The following GRID1 variants were observed in gnomAD, a reference collection of about 807,000 sequenced individuals.
The protein encoded by GRID1 is glutamate receptor ionotropic, delta-1.
In GRID1, 28 loss-of-function variants were observed where a neutral mutation model predicts 98.0. The ratio of observed to expected loss-of-function variants is 0.29; its 90% CI spans 0.21 to 0.39. The LOEUF (loss-of-function observed/expected upper bound fraction) is 0.39, where lower values mean the gene tolerates loss of function less well. GRID1 is among the 10% of genes least tolerant of loss of function. The pLI, the probability that GRID1 is intolerant of heterozygous loss-of-function variation, is 1.00. For missense variants in GRID1, 1,111 were observed against 1,340.5 expected, an observed-to-expected ratio of 0.83 and a Z score of 2.67; for synonymous variants, 553 against 538.5, an observed-to-expected ratio of 1.03 and a Z score of -0.37.
intron 8 of GRID1, among the ~76,000 whole-genome samples, chr10:85,847,151 G>A (rs1003594296): frequency 4.6e-5 from 7 of 152,156 alleles, no homozygotes; most frequent in Non-Finnish European, 1.0e-4. Flanking sequence ...CAATTTCTAG[G>A]AAAGGGCTCT....
intron 3 of GRID1, among the ~76,000 whole-genome samples, chr10:86,147,380 C>A (rs66582672): frequency 0.043 from 6,494 of 152,240 alleles, 146 homozygotes; most frequent in Non-Finnish European, 0.054. Flanking sequence ...GCCAGAAGAA[C>A]CAAGACAATC....
chr10:85,706,827 T>C (rs1387521307), intron 12 of GRID1, among the ~76,000 whole-genome samples: 1 of 152,204 alleles, frequency 6.6e-6, no homozygotes, highest in Admixed American at 6.5e-5. Flanking sequence ...AACTGTCTGA[T>C]CTTTGACAAA....
chr10:85,625,566 C>T (rs1484708535), intron 13 of GRID1, among the ~76,000 whole-genome samples: 1 of 152,158 alleles, frequency 6.6e-6, no homozygotes, highest in Non-Finnish European at 1.5e-5. Flanking sequence ...AGCATCCATC[C>T]CTGGGATGCC....
intron 6 of GRID1, among the ~76,000 whole-genome samples, chr10:85,858,708 C>T (rs556063664): frequency 2.0e-5 from 3 of 152,236 alleles, no homozygotes; most frequent in Admixed American, 2.0e-4. Flanking sequence ...CTTCTCAAGA[C>T]ATTCATGGGT....
At position 86,277,144 on chromosome 10, in the gene GRID1, G is replaced by C. The variant is rs535660594; in HGVS notation, c.236-70496C>G. Among the ~76,000 whole-genome samples, 100 of 152,318 alleles carry C rather than the reference G, an allele frequency of 6.6e-4. 2 individuals carry two copies. The South Asian group carries it at 0.021, about 32-fold the overall frequency. On this transcript the variant is annotated intron_variant, in intron 2 of 15. Coordinates refer to ENST00000327946, the MANE Select transcript of GRID1 (RefSeq NM_017551.3). ...AAATGTTCTCAAGATGGAGGGTGGT[G>C]AAGGCTGCACAGCAATATGAATGTA...
At chr10:86,236,749 G>A (rs1055994995) in intron 2 of GRID1, among the ~76,000 whole-genome samples, 34 of 152,194 alleles carry the variant, frequency 2.2e-4, no homozygotes, top group African/African-American at 6.8e-4. Flanking sequence ...ATGACAAGAC[G>A]TCTTGGCACA....
chr10:85,962,747 G>C (rs1842286230), intron 4 of GRID1, among the ~76,000 whole-genome samples: 1 of 152,148 alleles, frequency 6.6e-6, no homozygotes, highest in Non-Finnish European at 1.5e-5. Flanking sequence ...ACTGGGTTTG[G>C]GGAGAAATTT....
At chr10:85,667,223 T>C (rs557403958) in intron 12 of GRID1, among the ~76,000 whole-genome samples, 14 of 152,194 alleles carry the variant, frequency 9.2e-5, no homozygotes, top group Admixed American at 2.0e-4. Context: ...TCTGCTCTTC[T>C]TCCTGGGAAA....
At chr10:86,032,685 TGCGGAAGGCCGCAGGG>T (rs1257698435) in intron 4 of GRID1, among the ~76,000 whole-genome samples, 2 of 152,116 alleles carry the variant, frequency 1.3e-5, no homozygotes, top group Non-Finnish European at 2.9e-5. Context: ...ACACAAACAC[TGCGGAAGGCCGCAGGG>T]TCCTCTGCCT....
intron 4 of GRID1, among the ~76,000 whole-genome samples, chr10:86,041,031 C>T (rs1013459463): frequency 3.9e-5 from 6 of 152,188 alleles, no homozygotes; most frequent in Non-Finnish European, 7.3e-5. Context: ...TCCTCTCCTG[C>T]GCAGTTCCTG....
At chr10:85,747,052 G>C (rs1156738482) in intron 8 of GRID1, among the ~76,000 whole-genome samples, 1 of 152,046 alleles carries the variant, frequency 6.6e-6, no homozygotes, top group Admixed American at 6.6e-5. Flanking sequence ...TATCTCATTT[G>C]AGTGTCACCA....
chr10:85,675,076 TCATTTCCTCTTAGGAAAA>T (rs764841855), intron 12 of GRID1, among the ~76,000 whole-genome samples: 14 of 152,194 alleles, frequency 9.2e-5, no homozygotes, highest in South Asian at 2.1e-4. Flanking sequence ...CTGGTTTGTG[TCATTTCCTCTTAGGAAAA>T]CATTTCCTCT....
chr10:85,714,772 T>C (rs1841619331), intron 12 of GRID1, among the ~76,000 whole-genome samples: 1 of 152,106 alleles, frequency 6.6e-6, no homozygotes, highest in Non-Finnish European at 1.5e-5. Flanking sequence ...AGATGTCCTA[T>C]ATTCATGGAT....
Position 85,843,357 on chromosome 10 carries a change from T to A in GRID1, c.1233+11139A>T, listed in dbSNP as rs949649975. Among the ~76,000 whole-genome samples the A allele has an allele frequency of 2.0e-5, 3 of 151,710 alleles. No individual in the cohort carries two copies. In the East Asian group the frequency reaches 5.8e-4, roughly 29 times the overall value. ...CAAACTTTAAAAAAATAGGAAAAAA[T>A]CTTTGGAATATAGGGATAGGCAAAG... On this transcript the variant is annotated intron_variant, in intron 8 of 15. Transcript: ENST00000327946.
intron 2 of GRID1, among the ~76,000 whole-genome samples, chr10:86,248,291 G>A (rs941717602): frequency 3.3e-5 from 5 of 152,124 alleles, no homozygotes; most frequent in African/African-American, 9.7e-5. Flanking sequence ...GAGGCCCCAC[G>A]CACAGCACCA....
intron 4 of GRID1, among the ~76,000 whole-genome samples, chr10:86,021,902 G>A (rs1843054381): frequency 6.6e-6 from 1 of 152,194 alleles, no homozygotes. Context: ...GTCAGCTGAG[G>A]GTGAGCTGCA....
intron 2 of GRID1, among the ~76,000 whole-genome samples, chr10:86,356,699 T>C (rs1848538080): frequency 6.6e-6 from 1 of 152,212 alleles, no homozygotes; most frequent in African/African-American, 2.4e-5. Flanking sequence ...CAGCATAACT[T>C]AGTCTCCCCT....
intron 12 of GRID1, among the ~76,000 whole-genome samples, chr10:85,662,930 T>C (rs1416926714): frequency 6.6e-6 from 1 of 152,102 alleles, no homozygotes; most frequent in Non-Finnish European, 1.5e-5. Flanking sequence ...TCCGATACTT[T>C]ATGTTCTGTC....
At position 85,703,466 on chromosome 10, in the gene GRID1, G is replaced by GA. The variant is rs1252658064; in HGVS notation, c.1997+19536dup. On this transcript the variant is annotated intron_variant, in intron 12 of 15. Coordinates refer to ENST00000327946, the MANE Select transcript of GRID1 (RefSeq NM_017551.3). Reference sequence around the variant, plus strand: ...GAGACGCCATATAGGATGTTAAGAAGAAAAAAGGAAACATAGTAAACTGGG... The same window carrying GA: ...GAGACGCCATATAGGATGTTAAGAAGAAAAAAAGGAAACATAGTAAACTGGG... Among the ~76,000 whole-genome samples the GA allele has an allele frequency of 1.3e-4, 19 of 151,838 alleles. No homozygotes were observed. The East Asian group carries it at 3.7e-3, about 29-fold the overall frequency.
Sources: gnomAD v4.1 joint callset for allele counts (sites outside exome capture counted in the v4.1 genomes callset) on GRCh38, gnomAD v4.1.1 for gene constraint, MANE v1.5 for transcripts, NCBI Gene and HGNC (gene_info 2026-07-23, HGNC 2026-07-21) for gene names.